Variants in CAMK1D observed in about 807,000 individuals in gnomAD.
The protein encoded by CAMK1D is calcium/calmodulin dependent protein kinase ID, also known as calcium/calmodulin-dependent protein kinase type 1D.
Under a neutral mutation model 47.7 loss-of-function variants are expected in CAMK1D, and 9 were observed. The ratio of observed to expected loss-of-function variants is 0.19; its 90% CI spans 0.11 to 0.33. CAMK1D has a LOEUF of 0.33. Among genes scored for constraint, CAMK1D ranks in the 10% least tolerant of loss-of-function variants. The pLI is 1.00. For missense variants in CAMK1D, 291 were observed against 488.7 expected (o/e 0.60, Z 3.81); for synonymous variants, 184 against 184.9 (o/e 0.99, Z 0.04).
At chr10:12,578,495 G>A (rs566239725) in intron 2 of CAMK1D, among the ~76,000 whole-genome samples, 10 of 151,124 alleles carry the variant, frequency 6.6e-5, no homozygotes, top group Admixed American at 4.0e-4. Context: ...GCTTGAACCC[G>A]GGAGGCGGAG....
rs1382978118 is a variant in CAMK1D, at chr10:12,624,885, C to T, written c.225-41851C>T. ...GCAGGTAGGGTATCCAGGACCATGC[C>T]TACACACAATGGGTGGCCCAGGTTT... On this transcript the variant is annotated intron_variant, in intron 2 of 10. Transcript: ENST00000619168. Among the ~76,000 whole-genome samples the T allele has an allele frequency of 3.9e-5, 6 of 152,280 alleles. No homozygotes were observed. In the East Asian group the frequency reaches 1.2e-3, roughly 29 times the overall value.
intron 1 of CAMK1D, among the ~76,000 whole-genome samples, chr10:12,490,576 C>T (rs962319218): frequency 1.3e-5 from 2 of 152,192 alleles, no homozygotes; most frequent in African/African-American, 2.4e-5. Flanking sequence ...AGGCTGGGTG[C>T]GGCGGCTCAC....
intron 3 of CAMK1D, among the ~76,000 whole-genome samples, chr10:12,757,598 G>T (rs938240898): frequency 6.6e-6 from 1 of 152,194 alleles, no homozygotes; most frequent in African/African-American, 2.4e-5. Context: ...CTCACAACTA[G>T]CTCTATGAAT....
intron 1 of CAMK1D, among the ~76,000 whole-genome samples, chr10:12,393,205 G>A (rs974546911): frequency 6.6e-6 from 1 of 151,896 alleles, no homozygotes; most frequent in African/African-American, 2.4e-5. Flanking sequence ...CTAATTTTTT[G>A]TATTTTAAGT....
intron 2 of CAMK1D, among the ~76,000 whole-genome samples, chr10:12,602,895 G>GTTATTATTATTA (rs71386103): frequency 0.22 from 29,393 of 134,234 alleles, 3,509 homozygotes; most frequent in South Asian, 0.24. Context: ...CTAACTGCTT[G>GTTATTATTATTA]TTATTATTAT....
At chr10:12,614,641 G>A (rs1838727109) in intron 2 of CAMK1D, among the ~76,000 whole-genome samples, 1 of 152,112 alleles carries the variant, frequency 6.6e-6, no homozygotes, top group Non-Finnish European at 1.5e-5. Flanking sequence ...TTATATTCTA[G>A]CTTCTTTTTA....
intron 1 of CAMK1D, among the ~76,000 whole-genome samples, chr10:12,422,371 T>C (rs878992561): frequency 6.6e-6 from 1 of 152,236 alleles, no homozygotes; most frequent in Non-Finnish European, 1.5e-5. Flanking sequence ...TTTCAGCGTG[T>C]GTTGGTAATG....
intron 2 of CAMK1D, among the ~76,000 whole-genome samples, chr10:12,605,957 T>C (rs1338192461): frequency 2.0e-5 from 3 of 152,038 alleles, no homozygotes; most frequent in Non-Finnish European, 4.4e-5. Flanking sequence ...TGGAGGGGGC[T>C]GGGAGCCACG....
chr10:12,468,718 C>A (rs1833662843), intron 1 of CAMK1D, among the ~76,000 whole-genome samples: 1 of 152,104 alleles, frequency 6.6e-6, no homozygotes, highest in Admixed American at 6.5e-5. Context: ...GATGGGCGGA[C>A]GTGGAGTAGT....
chr10:12,563,694 AGAGAGGGAGAGAG>A (rs1837024742), intron 2 of CAMK1D, among the ~76,000 whole-genome samples: 1 of 64,374 alleles, frequency 1.6e-5, no homozygotes, highest in South Asian at 3.2e-4. Context: ...AGAGAGAGAG[AGAGAGGGAGAGAG>A]AGGGAGAGAG....
chr10:12,644,427 G>A (rs957239472), intron 2 of CAMK1D, among the ~76,000 whole-genome samples: 4 of 152,164 alleles, frequency 2.6e-5, no homozygotes, highest in African/African-American at 4.8e-5. Context: ...AACTCACAGC[G>A]TCTTAATGTG....
At chr10:12,716,261 G>A (rs984547843) in intron 3 of CAMK1D, among the ~76,000 whole-genome samples, 11 of 152,128 alleles carry the variant, frequency 7.2e-5, no homozygotes, top group South Asian at 2.1e-4. Flanking sequence ...AGGATGTCTT[G>A]TGTATTGTAG....
At chr10:12,587,548 TA>T (rs5783279) in intron 2 of CAMK1D, among the ~76,000 whole-genome samples, 93,755 of 138,484 alleles carry the variant, frequency 0.68, 33,494 homozygotes, top group Non-Finnish European at 0.79. Flanking sequence ...CAGACATCAT[TA>T]AAAAAAAAAA....
At chr10:12,811,660 T>A (rs928179990) in intron 6 of CAMK1D, among the ~76,000 whole-genome samples, 19 of 152,298 alleles carry the variant, frequency 1.2e-4, no homozygotes, top group Non-Finnish European at 2.8e-4. Flanking sequence ...GAATAAATGT[T>A]TCTCGGAATT....
chr10:12,643,883 CA>C (rs757215270), intron 2 of CAMK1D, among the ~76,000 whole-genome samples: 15,101 of 113,992 alleles, frequency 0.13, 759 homozygotes, highest in South Asian at 0.22. Context: ...GACTCTGACT[CA>C]AAAAAAAAAA....
intron 2 of CAMK1D, among the ~76,000 whole-genome samples, chr10:12,566,345 A>G (rs1837123716): frequency 6.6e-6 from 1 of 152,176 alleles, no homozygotes; most frequent in African/African-American, 2.4e-5. Flanking sequence ...CAGAGGCAGC[A>G]GCGATGAGGT....
intron 1 of CAMK1D, among the ~76,000 whole-genome samples, chr10:12,420,090 G>A (rs901019609): frequency 6.6e-6 from 1 of 152,096 alleles, no homozygotes; most frequent in Non-Finnish European, 1.5e-5. Flanking sequence ...CTCCCGAGTA[G>A]CTGGGACTAC....
chr10:12,635,439 A>C (rs775167807), intron 2 of CAMK1D, among the ~76,000 whole-genome samples: 1 of 152,190 alleles, frequency 6.6e-6, no homozygotes, highest in Non-Finnish European at 1.5e-5. Context: ...AGTTGTGTTC[A>C]TTCACCAATG....
chr10:12,422,738 T>C (rs991269839), intron 1 of CAMK1D, among the ~76,000 whole-genome samples: 1 of 152,008 alleles, frequency 6.6e-6, no homozygotes, highest in Non-Finnish European at 1.5e-5. Flanking sequence ...AGTGGCATAA[T>C]CTCGGCTCAC....
Sources: allele counts gnomAD v4.1 joint callset (sites outside exome capture counted in the v4.1 genomes callset), GRCh38; gene constraint gnomAD v4.1.1; transcripts MANE v1.5; gene names NCBI Gene and HGNC (gene_info 2026-07-23, HGNC 2026-07-21).